SNX16: variants seen among roughly 807,000 people sequenced by gnomAD.
SNX16 encodes sorting nexin 16.
In SNX16, 35 loss-of-function variants were observed where a neutral mutation model predicts 36.7. The observed-to-expected ratio is 0.95, with a 90% CI of 0.73 to 1.27. The LOEUF (loss-of-function observed/expected upper bound fraction) is 1.27, where lower values mean the gene tolerates loss of function less well. Among genes scored for constraint, SNX16 ranks in the 50% most tolerant of loss-of-function variants. The pLI is 0.00. For missense variants in SNX16, 367 were observed against 393.6 expected, an observed-to-expected ratio of 0.93 and a Z score of 0.57; for synonymous variants, 134 against 132.0, an observed-to-expected ratio of 1.02 and a Z score of -0.10.
intron 2 of SNX16, among the ~76,000 whole-genome samples, chr8:81,836,142 A>G (rs1326426522): frequency 6.6e-6 from 1 of 152,186 alleles, no homozygotes; most frequent in Non-Finnish European, 1.5e-5. Flanking sequence ...AGAGGTCCAT[A>G]GCATGCTTCC....
chr8:81,822,962 A>ATATATATATATATATGTATATG (rs1810834146), intron 4 of SNX16, among the ~76,000 whole-genome samples: 4 of 111,178 alleles, frequency 3.6e-5, no homozygotes, highest in African/African-American at 1.4e-4. Context: ...ATATATATAT[A>ATATATATATATATATGTATATG]TATATATATA....
chr8:81,822,931 T>C (rs1810815749), intron 4 of SNX16, among the ~76,000 whole-genome samples: 1 of 104,648 alleles, frequency 9.6e-6, no homozygotes, highest in Non-Finnish European at 1.9e-5. Flanking sequence ...GATGTGTATA[T>C]ATATATATAC....
intron 5 of SNX16, among the ~76,000 whole-genome samples, chr8:81,810,767 G>T (rs1052322858): frequency 3.9e-5 from 6 of 152,076 alleles, no homozygotes; most frequent in Admixed American, 2.6e-4. Flanking sequence ...TATGCTATTG[G>T]TGTCTAATAT....
At chr8:81,830,345 G>A (rs540212354) in intron 2 of SNX16, among the ~76,000 whole-genome samples, 7 of 152,102 alleles carry the variant, frequency 4.6e-5, no homozygotes, top group East Asian at 1.9e-4. Flanking sequence ...CGAGGTGGGC[G>A]GATCATGGGG....
At chr8:81,818,269 G>C (rs543261333) in intron 4 of SNX16, among the ~76,000 whole-genome samples, 1 of 151,910 alleles carries the variant, frequency 6.6e-6, no homozygotes, top group Non-Finnish European at 1.5e-5. Context: ...GTAAATAACT[G>C]AATTCTTCTT....
chr8:81,824,006 C>T, intron 3 of SNX16, 66 bp from the exon 4 acceptor site: 1 of 1,363,526 alleles, frequency 7.3e-7, no homozygotes, highest in Non-Finnish European at 1.0e-6. Context: ...CAAAATCTAT[C>T]CTGTTGACTA....
intron 5 of SNX16, among the ~76,000 whole-genome samples, chr8:81,810,214 T>C (rs1438910014): frequency 2.6e-5 from 4 of 152,128 alleles, no homozygotes; most frequent in African/African-American, 7.2e-5. Context: ...ATACAAGTAA[T>C]AGATTTGAAT....
At chr8:81,824,390 T>C (rs1035410264) in intron 3 of SNX16, among the ~76,000 whole-genome samples, 47 of 152,288 alleles carry the variant, frequency 3.1e-4, no homozygotes, top group African/African-American at 1.0e-3. Flanking sequence ...ATACAAGTCC[T>C]TTGTCAGATA....
chr8:81,841,065 G>A (rs1811739225), intron 1 of SNX16, among the ~76,000 whole-genome samples: 1 of 152,210 alleles, frequency 6.6e-6, no homozygotes, highest in African/African-American at 2.4e-5. Context: ...TCTGGGCTGG[G>A]CGCTGTGGCT....
At chr8:81,830,647 C>A (rs1404671181) in intron 2 of SNX16, among the ~76,000 whole-genome samples, 1 of 149,986 alleles carries the variant, frequency 6.7e-6, no homozygotes, top group Non-Finnish European at 1.5e-5. Context: ...ATTCCATGCT[C>A]ATGGATTGGA....
chr8:81,807,905 T>C (rs1810040752), intron 5 of SNX16: 1 of 767,420 alleles, frequency 1.3e-6, no homozygotes, highest in African/African-American at 1.7e-5. Flanking sequence ...AACTGTGCGG[T>C]AATGAGAAAT....
At chr8:81,803,267 A>G (rs78259200) in intron 5 of SNX16, 39 bp from the exon 6 acceptor site, 722 of 1,560,778 alleles carry the variant, frequency 4.6e-4, no homozygotes, top group Non-Finnish European at 6.0e-4. Context: ...CACATGCAGA[A>G]AAAGAATACA....
Position 81,811,258 on chromosome 8 carries a change from A to G in SNX16, c.681+4067T>C, listed in dbSNP as rs1027784733. On this transcript the variant is annotated intron_variant, in intron 5 of 7. Transcript: ENST00000345957. ...AGCAATGATCTAGCCAGGATTTAATAGGGAGTTCTGGGAAACGATATATCT... is the reference window on the plus strand; with the variant it reads ...AGCAATGATCTAGCCAGGATTTAATGGGGAGTTCTGGGAAACGATATATCT... Among the ~76,000 whole-genome samples, 64 of 152,204 alleles carry G rather than the reference A, an allele frequency of 4.2e-4. 1 individual carries two copies. Among genetic ancestry groups the G allele is most frequent in the African/African-American group, 1.5e-3 (63 of 41,460 alleles).
intron 1 of SNX16, among the ~76,000 whole-genome samples, chr8:81,841,210 G>C (rs975272375): frequency 2.6e-5 from 4 of 152,058 alleles, no homozygotes; most frequent in Middle Eastern, 6.8e-3. Flanking sequence ...GCATGGTGGC[G>C]CAGGCCTATA....
chr8:81,810,083 C>T lies in SNX16; in HGVS notation c.681+5242G>A, dbSNP rs181488674. Among the ~76,000 whole-genome samples, 8 of 152,166 alleles carry T rather than the reference C, an allele frequency of 5.3e-5. No homozygotes were observed. In the East Asian group the frequency reaches 1.2e-3, roughly 22 times the overall value. Reference sequence around the variant, plus strand: ...GTAGAGAATAGATGGCTTAAGAATTCTGCTTTAATTGTTTGTACTTATAAT... The same window carrying T: ...GTAGAGAATAGATGGCTTAAGAATTTTGCTTTAATTGTTTGTACTTATAAT... On this transcript the variant is annotated intron_variant, in intron 5 of 7. Coordinates refer to ENST00000345957, the MANE Select transcript of SNX16 (RefSeq NM_152836.3).
intron 5 of SNX16, among the ~76,000 whole-genome samples, chr8:81,807,564 A>G (rs867604866): frequency 8.0e-5 from 12 of 150,460 alleles, no homozygotes; most frequent in Admixed American, 1.3e-4. Context: ...AATGACCATA[A>G]ACAGACCCGT....
intron 3 of SNX16, among the ~76,000 whole-genome samples, chr8:81,824,517 T>C (rs1810929530): frequency 6.6e-6 from 1 of 151,502 alleles, no homozygotes; most frequent in Admixed American, 6.6e-5. Flanking sequence ...TTATGGTTTA[T>C]GCTTTTTTTT....
chr8:81,815,173 C>T (rs190121525), intron 5 of SNX16, 152 bp downstream of exon 5: 1 of 484,268 alleles, frequency 2.1e-6, no homozygotes, highest in Admixed American at 3.6e-5. Flanking sequence ...CTGAAAGCAA[C>T]CTTTGACTCA....
At chr8:81,833,135 T>A (rs1811341504) in intron 2 of SNX16, among the ~76,000 whole-genome samples, 1 of 151,870 alleles carries the variant, frequency 6.6e-6, no homozygotes, top group African/African-American at 2.4e-5. Flanking sequence ...CATATTAGGT[T>A]GAATAAGATA....
Sources: gnomAD v4.1 joint callset for allele counts (sites outside exome capture counted in the v4.1 genomes callset) on GRCh38, gnomAD v4.1.1 for gene constraint, MANE v1.5 for transcripts, NCBI Gene and HGNC (gene_info 2026-07-23, HGNC 2026-07-21) for gene names.